The following TBX3 variants were observed in gnomAD, a reference collection of about 807,000 sequenced individuals.
TBX3 encodes the protein T-box transcription factor 3.
A neutral mutation model predicts 47.8 loss-of-function variants in TBX3; 11 were observed. The ratio of observed to expected loss-of-function variants is 0.23; its 90% CI spans 0.14 to 0.38. The LOEUF (loss-of-function observed/expected upper bound fraction) is 0.38. TBX3 is among the 10% of genes least tolerant of loss of function. The pLI is 1.00. For synonymous variants in TBX3, 500 were observed against 449.3 expected (o/e 1.11, Z -1.43); for missense variants, 927 against 1,022.8 (o/e 0.91, Z 1.28).
chr12:114,678,869 G>C, intron 3 of TBX3, among the ~76,000 whole-genome samples: 1 of 152,034 alleles, frequency 6.6e-6, no homozygotes, highest in African/African-American at 2.4e-5. Flanking sequence ...GGGGAGGGGG[G>C]GAATTCAAAT....
intron 1 of TBX3, among the ~76,000 whole-genome samples, chr12:114,681,758 C>A (rs1868938513): frequency 6.6e-6 from 1 of 152,228 alleles, no homozygotes; most frequent in African/African-American, 2.4e-5. Flanking sequence ...GAGCTGCTAA[C>A]ACATTCCCCC....
chr12:114,679,876 C>T, intron 2 of TBX3: 1 of 1,610,718 alleles, frequency 6.2e-7, no homozygotes, highest in Non-Finnish European at 8.5e-7. Flanking sequence ...CCACCCTCAC[C>T]ATCTAAGGAT....
At chr12:114,673,324 C>T (rs1868531876) in intron 6 of TBX3, among the ~76,000 whole-genome samples, 1 of 152,228 alleles carries the variant, frequency 6.6e-6, no homozygotes, top group African/African-American at 2.4e-5. Context: ...AAGGCAACAG[C>T]ATGCAAAACC....
At chr12:114,672,417 CTGT>C (rs904587466) in intron 6 of TBX3, 115 bp from the exon 7 acceptor site, 69 of 744,342 alleles carry the variant, frequency 9.3e-5, no homozygotes, top group Admixed American at 1.7e-4. Context: ...CTGGTATGTT[CTGT>C]TGTTGTTGTT....
chr12:114,679,691 A>T, intron 2 of TBX3, 40 bp from the exon 3 acceptor site: 4 of 1,613,936 alleles, frequency 2.5e-6, no homozygotes, highest in Non-Finnish European at 3.4e-6. Context: ...TAAAACAAGG[A>T]TTTAGCAGAA....
rs973201891 is a variant in TBX3, at chr12:114,671,311, C to T, written c.*530G>A. 1.7e-5 allele frequency: 4 copies of T among 240,120 alleles called. No individual in the cohort carries two copies. Among genetic ancestry groups the T allele is most frequent in the Non-Finnish European group, 3.3e-5 (4 of 122,020 alleles). The allele number at this position is 240,120 out of a possible 1,614,324, so 14.9% of individuals were successfully genotyped here. The stretch of plus-strand genomic sequence containing the variant: ...ACTAAACAAGGATGGTAGGGACTTC[C>T]CTCCCCAAACAAAGCTGCTCAGTAA... On this transcript the variant is annotated 3_prime_UTR_variant, in exon 7 of 7. Coordinates refer to ENST00000349155, the MANE Select transcript of TBX3 (RefSeq NM_005996.4).
In TBX3 at chr12:114,674,269, G is replaced by A. The variant is rs2121382308; in HGVS notation, c.1606C>T (p.Leu536=). ...VSGASTGVSG[L]DSTAMASAAA... ...GCAGAGGCCATGGCCGTGGAATCCA[G>A]GCCCGAGACACCGGTGGAGGCCCCA... The change falls in exon 6 of 7, where the codon CTG becomes TTG. Residue 536 remains leucine, a synonymous_variant. Coordinates refer to ENST00000349155, the MANE Select transcript of TBX3 (RefSeq NM_005996.4). The A allele has an allele frequency of 6.3e-7, 1 of 1,580,484 alleles. No homozygotes were observed. The highest frequency in any genetic ancestry group is 2.3e-5 in the East Asian group (1 of 43,396).
intron 6 of TBX3, among the ~76,000 whole-genome samples, chr12:114,673,822 A>T (rs1868566026): frequency 6.6e-6 from 1 of 152,230 alleles, no homozygotes; most frequent in South Asian, 2.1e-4. Context: ...AGTGGAGGTG[A>T]TAATAGTACC....
rs1868997123 is a variant in TBX3 at position 114,682,823 on chromosome 12, G to A, written c.378C>T (p.Thr126=). ...FHKRGTEMVI[T]KSGRRMFPPF... ...CCCCCACTGCTTACCTTCCCGACTT[G>A]GTAATGACCATCTCGGTGCCCCGCT... Residue 126 remains threonine (T), a synonymous_variant, in exon 1 of 7, where the codon ACC becomes ACT. Coordinates refer to ENST00000349155, the MANE Select transcript of TBX3 (RefSeq NM_005996.4). 3 of 1,614,156 alleles carry A rather than the reference G, an allele frequency of 1.9e-6. No individual in the cohort carries two copies. The highest frequency in any genetic ancestry group is 2.5e-6 in the Non-Finnish European group (3 of 1,180,020).
At position 114,670,453 on chromosome 12, in the gene TBX3, T is replaced by G. The variant is rs1388618130; in HGVS notation, c.*1388A>C. 4.6e-6 allele frequency: 1 copy of G among 217,562 alleles called. No individual in the cohort carries two copies. The highest frequency in any genetic ancestry group is 2.2e-5 in the African/African-American group (1 of 44,550). 13.5% of individuals were successfully genotyped at this position (217,562 alleles called of 1,614,324 possible). ...AGGCACCAATTCAAAACACCGATAC[T>G]GACAACAGTAGTAAATTCCACTTCG... On this transcript the variant is annotated 3_prime_UTR_variant, in exon 7 of 7. Transcript: ENST00000349155.
At position 114,677,606 on chromosome 12, in the gene TBX3, G is replaced by A. The variant is rs770312024; in HGVS notation, c.855C>T (p.Asp285=). The stretch of plus-strand genomic sequence containing the variant: ...TTTTTTCTCTTCGGCCATTTCCAGT[G>A]TCCCGGAAACCTTTTGCAAAAGGGT... The part of the protein sequence containing the change: ...DNNPFAKGFR[D]TGNGRREKRK... The change falls in exon 4 of 7, where the codon GAC becomes GAT. Residue 285 remains aspartate, a synonymous_variant. Transcript: ENST00000349155. 2.5e-6 allele frequency: 4 copies of A among 1,613,932 alleles called. No individual in the cohort carries two copies. In the African/African-American group the frequency reaches 4.0e-5, roughly 16 times the overall value.
chr12:114,672,751 G>A (rs1472289656), intron 6 of TBX3, among the ~76,000 whole-genome samples: 1 of 152,076 alleles, frequency 6.6e-6, no homozygotes, highest in African/African-American at 2.4e-5. Flanking sequence ...AGGGGAAGCC[G>A]GAGGACATAA....
In TBX3 at chr12:114,683,634, T is replaced by C; in HGVS notation, c.-434A>G. On this transcript the variant is annotated 5_prime_UTR_variant, in exon 1 of 7. Transcript: ENST00000349155. This position sits in a 1 kb window ranked among gnomAD's most constrained non-coding sequence, Gnocchi z 7.7. ...CAGCCCCTAGGTCTTTTGTTGCAAA[T>C]GTGAAAGGTTCTCCTAGAAGACTTT... 1 of 236,028 alleles carries C rather than the reference T, an allele frequency of 4.2e-6. No individual in the cohort carries two copies. The highest frequency in any genetic ancestry group is 1.7e-4 in the South Asian group (1 of 5,994). The allele number at this position is 236,028 out of a possible 1,614,324, so 14.6% of individuals were successfully genotyped here.
Position 114,683,212 on chromosome 12 carries a change from G to A in TBX3, c.-12C>T, listed in dbSNP as rs1869024828. 6.2e-7 allele frequency: 1 copy of A among 1,607,628 alleles called. No individual in the cohort carries two copies. Among genetic ancestry groups the A allele is most frequent in the Admixed American group, 1.7e-5 (1 of 59,906 alleles). On this transcript the variant is annotated 5_prime_UTR_variant, in exon 1 of 7. Coordinates refer to ENST00000349155, the MANE Select transcript of TBX3 (RefSeq NM_005996.4). This position sits in a 1 kb window ranked among gnomAD's most constrained non-coding sequence, Gnocchi z 7.7. ...ATGGAGAGGCTCATCCACTCCAGGC[G>A]GGGCGCTGGGCTCCAGCCGGGGACA...
intron 4 of TBX3, 26 bp downstream of exon 4, chr12:114,677,550 ACTAT>A (rs1438221937): frequency 1.9e-6 from 3 of 1,609,402 alleles, no homozygotes; most frequent in Non-Finnish European, 2.6e-6. Flanking sequence ...ATTTTTCTAA[ACTAT>A]CTAATAAATA....
Position 114,676,314 on chromosome 12 carries a change from T to G in TBX3, c.1038A>C (p.Lys346Asn), listed in dbSNP as rs1254986253. ...GATCACAAAGGTGACATGGTTTACC[T>G]TTGAGGTTCGATGTCCCTACAGTGG... ...AASTVGTSNL[K>N]DLCPSEGESD... The change falls in exon 5 of 7, where the codon AAA (lysine) becomes AAC (asparagine). Residue 346 changes from lysine (K) to asparagine (N), a missense_variant and splice_region_variant. This residue lies in a region of TBX3 where 44 missense variants were observed against 59.3 expected (regional missense o/e 0.74). Coordinates refer to ENST00000349155, the MANE Select transcript of TBX3 (RefSeq NM_005996.4). The G allele has an allele frequency of 6.2e-7, 1 of 1,613,614 alleles. No homozygotes were observed. Among genetic ancestry groups the G allele is most frequent in the Non-Finnish European group, 8.5e-7 (1 of 1,180,028 alleles).
chr12:114,674,033 A>T, intron 6 of TBX3, 132 bp downstream of exon 6: 1 of 1,200,240 alleles, frequency 8.3e-7, no homozygotes, highest in Non-Finnish European at 1.2e-6. Context: ...TAAGCCTTGA[A>T]CCCGGTAATG....
rs546527269 is a variant in TBX3, at chr12:114,681,736, G to A, written c.390-590C>T. 9.2e-5 allele frequency among the ~76,000 whole-genome samples: 14 copies of A among 152,276 alleles called. No individual in the cohort carries two copies. The East Asian group carries it at 2.3e-3, about 25-fold the overall frequency. On this transcript the variant is annotated intron_variant, in intron 1 of 6. Transcript: ENST00000349155. ...CGGTGCACTCCTGGGCCTGATAACC[G>A]ATCTGCCCGTGGAGCTGCTAACACA...
At chr12:114,679,453 T>A in intron 3 of TBX3, 52 bp downstream of exon 3, 1 of 1,613,502 alleles carries the variant, frequency 6.2e-7, no homozygotes, top group South Asian at 1.1e-5. Flanking sequence ...AAAGCAGCTT[T>A]TAAGGGGAAG....
Sources: gnomAD v4.1 joint callset for allele counts (sites outside exome capture counted in the v4.1 genomes callset) on GRCh38, gnomAD v4.1.1 for gene constraint, gnomAD v4.1.1 regional missense constraint, Gnocchi (gnomAD v3.1) non-coding constraint, MANE v1.5 for transcripts, NCBI Gene and HGNC (gene_info 2026-07-23, HGNC 2026-07-21) for gene names.